The following PDCL3 variants were observed in gnomAD, a reference collection of about 807,000 sequenced individuals.
The protein encoded by PDCL3 is phosducin-like protein 3.
A neutral mutation model predicts 26.5 loss-of-function variants in PDCL3; 22 were observed. The observed-to-expected ratio is 0.83, with a 90% CI of 0.59 to 1.19. PDCL3 has a LOEUF of 1.19. PDCL3 is among the 50% of genes most tolerant of loss of function. The probability of loss-of-function intolerance (pLI) is 0.00; values close to 1 mark genes in which losing one functional copy is unlikely to be tolerated. For missense variants in PDCL3, 246 were observed against 294.1 expected (o/e 0.84, Z 1.20); for synonymous variants, 81 against 104.9 (o/e 0.77, Z 1.39).
intron 1 of PDCL3, among the ~76,000 whole-genome samples, chr2:100,566,116 G>A (rs1357800909): frequency 6.6e-6 from 1 of 152,014 alleles, no homozygotes; most frequent in Non-Finnish European, 1.5e-5. Context: ...TGTTAGTCAG[G>A]ATGGTCTCTA....
chr2:100,568,234 C>T (rs1173320129), intron 2 of PDCL3, among the ~76,000 whole-genome samples: 3 of 151,454 alleles, frequency 2.0e-5, no homozygotes, highest in Non-Finnish European at 4.4e-5. Context: ...TGGGAGTTGT[C>T]AGCATATTGA....
rs966459446 is a variant in PDCL3, at chr2:100,562,993, G to C, written c.-75G>C. On this transcript the variant is annotated 5_prime_UTR_variant, in exon 1 of 6. Transcript: ENST00000264254. ...GGGGGAAGAGGCGTGGCGGCGCTGT[G>C]CGCGTGCACAAAAGAGAGCTGAGGG... 1.3e-6 allele frequency: 2 copies of C among 1,559,830 alleles called. No homozygotes were observed. The highest frequency in any genetic ancestry group is 1.9e-4 in the Middle Eastern group (1 of 5,302).
chr2:100,569,056 G>T (rs765843991), intron 3 of PDCL3, 35 bp downstream of exon 3: 10 of 1,566,738 alleles, frequency 6.4e-6, no homozygotes, highest in South Asian at 4.7e-5. Flanking sequence ...TTGTTTTTTT[G>T]TTGTTGTTTG....
intron 5 of PDCL3, 113 bp downstream of exon 5, chr2:100,571,911 C>CCTGTGTGTGAGTGA (rs1553417932): frequency 4.4e-6 from 4 of 912,616 alleles, no homozygotes; most frequent in Non-Finnish European, 7.0e-6. Context: ...TTCACTTCTG[C>CCTGTGTGTGAGTGA]CTGTGTATGA....
At chr2:100,576,297 C>T (rs967773533) in intron 5 of PDCL3, 57 bp from the exon 6 acceptor site, 27 of 1,558,082 alleles carry the variant, frequency 1.7e-5, no homozygotes, top group Middle Eastern at 1.7e-4. Flanking sequence ...GGACTTAGGG[C>T]GAGGGAACCT....
intron 1 of PDCL3, 151 bp from the exon 2 acceptor site, chr2:100,566,352 C>T: frequency 9.7e-7 from 1 of 1,030,750 alleles, no homozygotes; most frequent in Non-Finnish European, 1.4e-6. Context: ...AAAACGGGGG[C>T]TATGGATCTT....
intron 4 of PDCL3, 94 bp downstream of exon 4, chr2:100,569,815 T>G: frequency 6.8e-7 from 1 of 1,470,592 alleles, no homozygotes; most frequent in Non-Finnish European, 9.1e-7. Context: ...TTAAGAAATT[T>G]TTTTTTCTGG....
intron 5 of PDCL3, among the ~76,000 whole-genome samples, chr2:100,575,380 C>T (rs1432870690): frequency 6.6e-6 from 1 of 152,184 alleles, no homozygotes; most frequent in Non-Finnish European, 1.5e-5. Context: ...CGTGATCCGC[C>T]CACCTTGGCC....
chr2:100,565,207 G>A (rs2104390495), intron 1 of PDCL3, among the ~76,000 whole-genome samples: 1 of 152,076 alleles, frequency 6.6e-6, no homozygotes, highest in Admixed American at 6.5e-5. Flanking sequence ...GACCTCAGAT[G>A]CTCCACCTGC....
At chr2:100,570,064 T>C (rs1186331840) in intron 4 of PDCL3, among the ~76,000 whole-genome samples, 1 of 152,132 alleles carries the variant, frequency 6.6e-6, no homozygotes, top group African/African-American at 2.4e-5. Flanking sequence ...GAGCCGAGAT[T>C]GCGCCACTGC....
intron 1 of PDCL3, 116 bp from the exon 2 acceptor site, chr2:100,566,387 A>G (rs749450267): frequency 3.1e-5 from 41 of 1,312,860 alleles, no homozygotes; most frequent in Non-Finnish European, 4.3e-5. Context: ...GAAATAGTTC[A>G]CAGACTGGTG....
At chr2:100,568,614 CAA>C (rs1432790999) in intron 2 of PDCL3, among the ~76,000 whole-genome samples, 3 of 152,062 alleles carry the variant, frequency 2.0e-5, no homozygotes, top group African/African-American at 7.2e-5. Flanking sequence ...GCCTGGATGA[CAA>C]GAGTGAAACT....
At chr2:100,567,294 G>A (rs1420013535) in intron 2 of PDCL3, among the ~76,000 whole-genome samples, 1 of 152,190 alleles carries the variant, frequency 6.6e-6, no homozygotes, top group Non-Finnish European at 1.5e-5. Flanking sequence ...AGTATCCAGC[G>A]AGTGCTTACT....
chr2:100,576,297 C>A (rs967773533), intron 5 of PDCL3, 57 bp from the exon 6 acceptor site: 7 of 1,558,200 alleles, frequency 4.5e-6, no homozygotes, highest in Non-Finnish European at 6.1e-6. Flanking sequence ...GGACTTAGGG[C>A]GAGGGAACCT....
intron 5 of PDCL3, among the ~76,000 whole-genome samples, chr2:100,572,669 C>G (rs1449983446): frequency 1.3e-5 from 2 of 151,848 alleles, no homozygotes; most frequent in Non-Finnish European, 2.9e-5. Flanking sequence ...AGGCATGTGC[C>G]AACATGCCTG....
chr2:100,567,883 C>T lies in PDCL3; in HGVS notation c.134-1048C>T, dbSNP rs191438975. ...TCTTACCCAGGCTGGACTGCAGTGG[C>T]GCAATCTTGGCTCACTGCAACCTCC... is the stretch of plus-strand genomic sequence containing the variant. On this transcript the variant is annotated intron_variant, in intron 2 of 5. Transcript: ENST00000264254. Among the ~76,000 whole-genome samples the T allele has an allele frequency of 8.7e-3, 1,306 of 150,500 alleles. 17 individuals are homozygous for T. Among genetic ancestry groups the T allele is most frequent in the African/African-American group, 0.029 (1,184 of 40,624 alleles).
chr2:100,564,624 TG>T (rs1675024828), intron 1 of PDCL3, among the ~76,000 whole-genome samples: 1 of 152,186 alleles, frequency 6.6e-6, no homozygotes, highest in Non-Finnish European at 1.5e-5. Flanking sequence ...ATCTCAGAAC[TG>T]TTACACAGGG....
At chr2:100,575,402 T>C (rs530866028) in intron 5 of PDCL3, among the ~76,000 whole-genome samples, 27 of 152,236 alleles carry the variant, frequency 1.8e-4, no homozygotes, top group Non-Finnish European at 3.2e-4. Flanking sequence ...CCCAAAGTGC[T>C]GGGATTACAG....
chr2:100,576,504 G>T lies in PDCL3; in HGVS notation c.*8G>T. ...GATTCCGAGGGTGACTGAGGCTACA[G>T]CTTCTATCACATGCCGAACTTTCTT... On this transcript the variant is annotated 3_prime_UTR_variant, in exon 6 of 6. Coordinates refer to ENST00000264254, the MANE Select transcript of PDCL3 (RefSeq NM_024065.5). 1.3e-6 allele frequency: 2 copies of T among 1,570,404 alleles called. No individual in the cohort carries two copies. Among genetic ancestry groups the T allele is most frequent in the East Asian group, 4.7e-5 (2 of 42,896 alleles).
Sources: allele counts gnomAD v4.1 joint callset (sites outside exome capture counted in the v4.1 genomes callset), GRCh38; gene constraint gnomAD v4.1.1; transcripts MANE v1.5; gene names NCBI Gene and HGNC (gene_info 2026-07-23, HGNC 2026-07-21).